The following AKAP1 variants were observed in gnomAD, a reference collection of about 807,000 sequenced individuals.
The protein encoded by AKAP1 is A-kinase anchoring protein 1.
Under a neutral mutation model 79.8 loss-of-function variants are expected in AKAP1, and 32 were observed. The ratio of observed to expected loss-of-function variants is 0.40; its 90% CI spans 0.30 to 0.54. The LOEUF (loss-of-function observed/expected upper bound fraction) is 0.54, where lower values mean the gene tolerates loss of function less well. Among genes scored for constraint, AKAP1 ranks in the 20% least tolerant of loss-of-function variants. AKAP1 has a pLI of 0.47. For missense variants in AKAP1, 961 were observed against 1,138.9 expected (o/e 0.84, Z 2.25); for synonymous variants, 416 against 466.7 (o/e 0.89, Z 1.40).
At position 57,113,594 on chromosome 17, in the gene AKAP1, CTT is replaced by C. The variant is rs1036422001; in HGVS notation, c.2104-840_2104-839del. On this transcript the variant is annotated intron_variant, in intron 5 of 10. Transcript: ENST00000337714. ...GGAGGCTCGGTCGTAGACTCACTCT[CTT>C]TTTTTTTTTTTTTTTTTTTTTTTTG... Among the ~76,000 whole-genome samples the C allele has an allele frequency of 7.9e-3, 654 of 82,336 alleles. 2 individuals are homozygous for C. The highest frequency in any genetic ancestry group is 0.017 in the African/African-American group (296 of 16,968). 54.0% of individuals were successfully genotyped at this position (82,336 alleles called of 152,430 possible). A position where few individuals can be genotyped will look rare whatever the true frequency, so the allele number is the denominator to read the frequency against.
At position 57,114,732 on chromosome 17, in the gene AKAP1, A is replaced by G. The variant is rs565244194; in HGVS notation, c.2281+96A>G. ...GGAGGAGGCTGTTCTGCGATCCTTC[A>G]TGGAAGCAGCATCCTTCAATTCTTG... On this transcript the variant is annotated intron_variant, in intron 6 of 10. Coordinates refer to ENST00000337714, the MANE Select transcript of AKAP1 (RefSeq NM_003488.4). 9.3e-6 allele frequency: 12 copies of G among 1,296,856 alleles called. No individual in the cohort carries two copies. The East Asian group carries it at 2.3e-4, about 25-fold the overall frequency. 80.3% of individuals were successfully genotyped at this position (1,296,856 alleles called of 1,614,324 possible). A position where few individuals can be genotyped will look rare whatever the true frequency, so the allele number is the denominator to read the frequency against.
chr17:57,106,311 G>A lies in AKAP1; in HGVS notation c.847G>A (p.Asp283Asn), dbSNP rs751546514. Residue 283 changes from aspartate to asparagine, a missense_variant, in exon 2 of 11, where the codon GAT (aspartate) becomes AAT (asparagine). Around this residue, in one of 3 missense-constraint regions of AKAP1, gnomAD observed 224 missense variants for 210.2 expected, o/e 1.07. Coordinates refer to ENST00000337714, the MANE Select transcript of AKAP1 (RefSeq NM_003488.4). The stretch of plus-strand genomic sequence containing the variant: ...GGCTCACACAGAGCTGGCAAAGGAC[G>A]ATGCGGCGCCAGCACCCCCAGTCGC... ...ESAHTELAKD[D>N]AAPAPPVADA... 2.5e-6 allele frequency: 4 copies of A among 1,614,202 alleles called. No homozygotes were observed. The highest frequency in any genetic ancestry group is 3.4e-6 in the Non-Finnish European group (4 of 1,180,044).
At chr17:57,115,600 C>A (rs1311211203) in intron 6 of AKAP1, among the ~76,000 whole-genome samples, 2 of 152,178 alleles carry the variant, frequency 1.3e-5, no homozygotes, top group East Asian at 3.9e-4. Flanking sequence ...CAGCACCTTC[C>A]AGAGGCAAAG....
intron 1 of AKAP1, among the ~76,000 whole-genome samples, chr17:57,104,670 A>G (rs937760334): frequency 2.6e-5 from 4 of 152,260 alleles, no homozygotes; most frequent in African/African-American, 9.6e-5. Context: ...GGGAGCTAGC[A>G]TTGCGAGAGA....
At chr17:57,103,311 A>G (rs527473384) in intron 1 of AKAP1, among the ~76,000 whole-genome samples, 14 of 152,338 alleles carry the variant, frequency 9.2e-5, no homozygotes, top group African/African-American at 3.4e-4. Flanking sequence ...TCATCACTTC[A>G]GGGGCAGAAC....
At chr17:57,092,374 C>T (rs1183365569) in intron 1 of AKAP1, 3 of 152,242 alleles carry the variant, frequency 2.0e-5, no homozygotes, top group Non-Finnish European at 2.9e-5. Context: ...GGCTGGAGAG[C>T]AAGGTTGTTT....
In AKAP1 at chr17:57,086,492, C is replaced by T. The variant is rs1913467470; in HGVS notation, c.-25+1094C>T. ...TCCTGGGGGATGTCCTGGGTGGCGG[C>T]GCCTTCCTGCCGCCGTTAACACAAA... On this transcript the variant is annotated intron_variant, in intron 1 of 10. Transcript: ENST00000337714. The surrounding 1 kb of genome is among the most constrained non-coding windows in gnomAD (Gnocchi z 5.1). 2.2e-6 allele frequency: 1 copy of T among 450,368 alleles called. No homozygotes were observed. The allele number at this position is 450,368 out of a possible 1,614,324, so 27.9% of individuals were successfully genotyped here.
chr17:57,114,387 G>T, intron 5 of AKAP1, 72 bp from the exon 6 acceptor site: 2 of 1,549,954 alleles, frequency 1.3e-6, no homozygotes, highest in African/African-American at 1.3e-5. Flanking sequence ...ACTTGCCCTT[G>T]GGTCTCGGGA....
chr17:57,114,679 T>C (rs1915472822), intron 6 of AKAP1, 43 bp downstream of exon 6: 2 of 1,567,788 alleles, frequency 1.3e-6, no homozygotes, highest in Non-Finnish European at 1.7e-6. Flanking sequence ...ACCCCTGGGG[T>C]TGCCTGTTCT....
At chr17:57,097,455 C>T (rs1191755912) in intron 1 of AKAP1, among the ~76,000 whole-genome samples, 3 of 152,268 alleles carry the variant, frequency 2.0e-5, no homozygotes, top group Non-Finnish European at 2.9e-5. Flanking sequence ...GCATCTGATA[C>T]AAGCCAAGAG....
chr17:57,090,064 C>G (rs1198327555), intron 1 of AKAP1, among the ~76,000 whole-genome samples: 4 of 152,178 alleles, frequency 2.6e-5, no homozygotes, highest in Non-Finnish European at 4.4e-5. Context: ...TCCAGTCCAC[C>G]TAAATGTTAG....
intron 9 of AKAP1, 62 bp downstream of exon 9, chr17:57,118,516 A>G (rs1000159539): frequency 1.3e-6 from 2 of 1,539,660 alleles, no homozygotes; most frequent in African/African-American, 2.7e-5. Context: ...TGACCTTTCA[A>G]TGCCTTCTTT....
intron 1 of AKAP1, chr17:57,095,347 T>G (rs1185953574): frequency 6.6e-6 from 1 of 152,078 alleles, no homozygotes; most frequent in Non-Finnish European, 1.5e-5. Flanking sequence ...AAATTTTTTT[T>G]TTGTAGATAC....
At chr17:57,110,860 T>C (rs376925255) in intron 3 of AKAP1, among the ~76,000 whole-genome samples, 1 of 152,212 alleles carries the variant, frequency 6.6e-6, no homozygotes, top group East Asian at 1.9e-4. Flanking sequence ...CTTCTTGCTA[T>C]TAGAACTTAC....
intron 6 of AKAP1, among the ~76,000 whole-genome samples, chr17:57,115,734 A>G (rs1480608974): frequency 6.6e-6 from 1 of 152,138 alleles, no homozygotes; most frequent in African/African-American, 2.4e-5. Context: ...TTCTTCAGGG[A>G]CTTTCTTTTA....
Position 57,120,423 on chromosome 17 carries a change from C to A in AKAP1, c.*99C>A. The stretch of plus-strand genomic sequence containing the variant: ...ATCGGAATAACAAACATTGTCCTCT[C>A]CAGAAAGTCCTTTCTTTCTCCATAC... On this transcript the variant is annotated 3_prime_UTR_variant, in exon 11 of 11. Transcript: ENST00000337714. 1 of 1,069,524 alleles carries A rather than the reference C, an allele frequency of 9.3e-7. No individual in the cohort carries two copies. Among genetic ancestry groups the A allele is most frequent in the South Asian group, 1.5e-5 (1 of 66,636 alleles). 66.3% of individuals were successfully genotyped at this position (1,069,524 alleles called of 1,614,324 possible).
At chr17:57,113,289 G>A (rs1030264155) in intron 5 of AKAP1, among the ~76,000 whole-genome samples, 13 of 152,202 alleles carry the variant, frequency 8.5e-5, no homozygotes, top group Non-Finnish European at 1.8e-4. Context: ...ATCTCACTGG[G>A]AGTAGAATTG....
chr17:57,085,430 C>G (rs558056552), intron 1 of AKAP1, 32 bp downstream of exon 1: 25 of 152,194 alleles, frequency 1.6e-4, no homozygotes, highest in African/African-American at 5.1e-4. Context: ...CGGGGACCCC[C>G]TGCCGGAGAC....
chr17:57,120,402 G>C lies in AKAP1; in HGVS notation c.*78G>C. The C allele has an allele frequency of 7.7e-7, 1 of 1,297,612 alleles. No homozygotes were observed. The highest frequency in any genetic ancestry group is 1.1e-6 in the Non-Finnish European group (1 of 911,486). The allele number at this position is 1,297,612 out of a possible 1,614,324, so 80.4% of individuals were successfully genotyped here. ...GCACTCAAGTCAAAGATGAACATCG[G>C]AATAACAAACATTGTCCTCTCCAGA... On this transcript the variant is annotated 3_prime_UTR_variant, in exon 11 of 11. Coordinates refer to ENST00000337714, the MANE Select transcript of AKAP1 (RefSeq NM_003488.4).
Sources: gnomAD v4.1 joint callset for allele counts (sites outside exome capture counted in the v4.1 genomes callset) on GRCh38, gnomAD v4.1.1 for gene constraint, gnomAD v4.1.1 regional missense constraint, Gnocchi (gnomAD v3.1) non-coding constraint, MANE v1.5 for transcripts, NCBI Gene and HGNC (gene_info 2026-07-23, HGNC 2026-07-21) for gene names.